Variants in KLF8 observed in about 807,000 individuals in gnomAD.
The protein encoded by KLF8 is KLF transcription factor 8, also known as Krueppel-like factor 8.
A neutral mutation model predicts 18.2 loss-of-function variants in KLF8; 10 were observed. The ratio of observed to expected loss-of-function variants is 0.55; its 90% CI spans 0.34 to 0.93. The LOEUF (loss-of-function observed/expected upper bound fraction) is 0.93. Ranked by LOEUF, KLF8 falls within the 40% of genes least tolerant of loss-of-function variation. The pLI is 0.02. For missense variants in KLF8, 264 were observed against 277.9 expected, an observed-to-expected ratio of 0.95 and a Z score of 0.36; for synonymous variants, 109 against 97.3, an observed-to-expected ratio of 1.12 and a Z score of -0.71.
At chrX:55,935,912 G>A in the KLF8 span, among the ~76,000 whole-genome samples, 2 of 111,789 alleles carry the variant, frequency 1.8e-5, no homozygotes, top group African/African-American at 6.5e-5. Context: ...GGATGGAGAG[G>A]AATGGGATCT....
At chrX:55,997,264 G>A in the KLF8 span, among the ~76,000 whole-genome samples, 3 of 111,940 alleles carry the variant, frequency 2.7e-5, no homozygotes, top group African/African-American at 9.8e-5. Flanking sequence ...ACCTAGAGAA[G>A]CATCATTAGC....
chrX:55,966,124 C>T, the KLF8 span, among the ~76,000 whole-genome samples: 8 of 112,499 alleles, frequency 7.1e-5, no homozygotes, highest in Non-Finnish European at 1.1e-4. Flanking sequence ...CAGTAGAAAA[C>T]AGTACCAGTT....
the KLF8 span, among the ~76,000 whole-genome samples, chrX:56,147,744 C>T: frequency 1.2e-4 from 13 of 111,954 alleles, no homozygotes; most frequent in Admixed American, 1.9e-4. Context: ...TTTGGGAGAC[C>T]GAGGTGGGTG....
chrX:56,193,091 A>G, the KLF8 span, among the ~76,000 whole-genome samples: 3 of 112,617 alleles, frequency 2.7e-5, no homozygotes, highest in African/African-American at 9.7e-5. Flanking sequence ...TTTGAGAACC[A>G]GAATGTGTAA....
At chrX:56,065,455 ATATCT>A in the KLF8 span, among the ~76,000 whole-genome samples, 1 of 111,763 alleles carries the variant, frequency 8.9e-6, no homozygotes, top group Non-Finnish European at 1.9e-5. Flanking sequence ...TTTCTCATTA[ATATCT>A]TAAATTGTTA....
At chrX:56,088,698 G>A in the KLF8 span, among the ~76,000 whole-genome samples, 1 of 111,424 alleles carries the variant, frequency 9.0e-6, no homozygotes, top group Non-Finnish European at 1.9e-5. Context: ...TCCAGAGGGA[G>A]CCATTCTAAC....
chrX:55,950,035 G>A, the KLF8 span, among the ~76,000 whole-genome samples: 11,177 of 110,772 alleles, frequency 0.1, 965 homozygotes, highest in African/African-American at 0.28. Flanking sequence ...ATTAAAGCAT[G>A]ATTTAAAACC....
the KLF8 span, among the ~76,000 whole-genome samples, chrX:55,984,883 AT>A: frequency 1.9e-5 from 2 of 108,062 alleles, no homozygotes; most frequent in African/African-American, 3.4e-5. Context: ...TGATGTTGAG[AT>A]TTTTTTTCAT....
chrX:55,947,625 C>T, the KLF8 span, among the ~76,000 whole-genome samples: 2 of 97,753 alleles, frequency 2.0e-5, no homozygotes, highest in Non-Finnish European at 3.8e-5. Context: ...TACCCTAAAA[C>T]TTAAAGTATA....
At chrX:55,989,988 C>G in the KLF8 span, among the ~76,000 whole-genome samples, 2 of 111,580 alleles carry the variant, frequency 1.8e-5, no homozygotes. Flanking sequence ...AGTTTATTTG[C>G]CTAGAGGTGT....
the KLF8 span, among the ~76,000 whole-genome samples, chrX:56,173,933 G>A: frequency 1.8e-5 from 2 of 111,804 alleles, no homozygotes; most frequent in Middle Eastern, 4.6e-3. Flanking sequence ...TGTGATTTTT[G>A]CACATTGATT....
chrX:56,246,658 C>T (rs1443692821), intron 1 of KLF8, among the ~76,000 whole-genome samples: 1 of 111,065 alleles, frequency 9.0e-6, no homozygotes, highest in Admixed American at 9.6e-5. Flanking sequence ...GGAGTATTGA[C>T]CAGAAGGGGA....
At chrX:56,122,221 A>C in the KLF8 span, among the ~76,000 whole-genome samples, 1 of 111,539 alleles carries the variant, frequency 9.0e-6, no homozygotes, top group African/African-American at 3.3e-5. Context: ...TATGAAAAAA[A>C]CAAAATGTGA....
chrX:56,040,890 T>TC, the KLF8 span, among the ~76,000 whole-genome samples: 1 of 91,415 alleles, frequency 1.1e-5, no homozygotes, highest in African/African-American at 3.8e-5. Context: ...CTTGGGCTTT[T>TC]TTTTTTTTTT....
the KLF8 span, among the ~76,000 whole-genome samples, chrX:55,942,186 C>T: frequency 4.5e-5 from 5 of 111,306 alleles, no homozygotes; most frequent in African/African-American, 3.3e-5. Context: ...ACTATGCAGC[C>T]ATAAAGAATG....
intron 2 of KLF8, among the ~76,000 whole-genome samples, chrX:56,256,884 G>A (rs182819012): frequency 1.9e-4 from 21 of 111,076 alleles, no homozygotes; most frequent in Non-Finnish European, 3.0e-4. Flanking sequence ...TGTATTTTTA[G>A]TAGAGACGGG....
At chrX:55,996,994 C>A in the KLF8 span, among the ~76,000 whole-genome samples, 1 of 112,004 alleles carries the variant, frequency 8.9e-6, no homozygotes, top group Non-Finnish European at 1.9e-5. Flanking sequence ...TACATGCACT[C>A]ACCCACAAAG....
At chrX:56,162,067 A>C in the KLF8 span, among the ~76,000 whole-genome samples, 8 of 111,983 alleles carry the variant, frequency 7.1e-5, no homozygotes, top group African/African-American at 2.6e-4. Flanking sequence ...TATCAGCAGC[A>C]GAGGCTGCAG....
the KLF8 span, among the ~76,000 whole-genome samples, chrX:56,005,323 G>A: frequency 9.0e-6 from 1 of 111,645 alleles, no homozygotes; most frequent in Non-Finnish European, 1.9e-5. Context: ...GGTGGCAGTG[G>A]GATTTATACT....
Sources: allele counts gnomAD v4.1 joint callset (sites outside exome capture counted in the v4.1 genomes callset), GRCh38; gene constraint gnomAD v4.1.1; transcripts MANE v1.5; gene names NCBI Gene and HGNC (gene_info 2026-07-23, HGNC 2026-07-21).